The following ADAMTS3 variants were observed in gnomAD, a reference collection of about 807,000 sequenced individuals.
ADAMTS3 encodes the protein ADAM metallopeptidase with thrombospondin type 1 motif 3.
In ADAMTS3, 73 loss-of-function variants were observed where a neutral mutation model predicts 129.0. That is an observed-to-expected ratio of 0.57 (90% CI 0.47 to 0.69). The LOEUF is 0.69. ADAMTS3 is among the 30% of genes least tolerant of loss of function. ADAMTS3 has a pLI of 0.00. For synonymous variants in ADAMTS3, 477 were observed against 510.8 expected, an observed-to-expected ratio of 0.93 and a Z score of 0.89; for missense variants, 1,457 against 1,514.5, an observed-to-expected ratio of 0.96 and a Z score of 0.63.
chr4:72,311,655 A>C (rs1421549071), intron 13 of ADAMTS3, among the ~76,000 whole-genome samples: 12 of 152,232 alleles, frequency 7.9e-5, no homozygotes, highest in Middle Eastern at 6.8e-3. Flanking sequence ...GCAACTTTGA[A>C]TTCTTAACGT....
intron 18 of ADAMTS3, among the ~76,000 whole-genome samples, chr4:72,296,827 A>T (rs1349769420): frequency 6.6e-6 from 1 of 152,106 alleles, no homozygotes; most frequent in Non-Finnish European, 1.5e-5. Context: ...TTTTCCAGTC[A>T]AGGATCATAT....
chr4:72,543,131 T>G (rs1721376372), intron 3 of ADAMTS3, among the ~76,000 whole-genome samples: 1 of 152,220 alleles, frequency 6.6e-6, no homozygotes, highest in South Asian at 2.1e-4. Flanking sequence ...TAAATTATTT[T>G]GCATCAAAAT....
intron 3 of ADAMTS3, among the ~76,000 whole-genome samples, chr4:72,419,180 C>T (rs1722382118): frequency 6.6e-6 from 1 of 152,146 alleles, no homozygotes; most frequent in East Asian, 1.9e-4. Flanking sequence ...CTTTTCTCTC[C>T]TGGTCCTTAA....
At chr4:72,503,755 AG>A (rs1720085190) in intron 3 of ADAMTS3, among the ~76,000 whole-genome samples, 1 of 152,192 alleles carries the variant, frequency 6.6e-6, no homozygotes, top group Non-Finnish European at 1.5e-5. Context: ...CAGGTCTAGA[AG>A]TACTTTATGA....
chr4:72,528,561 T>A (rs1247893475), intron 3 of ADAMTS3, among the ~76,000 whole-genome samples: 1 of 148,766 alleles, frequency 6.7e-6, no homozygotes, highest in Non-Finnish European at 1.5e-5. Context: ...TCTCCTTCAC[T>A]AGCTTGTACG....
At chr4:72,438,768 T>C (rs1312041727) in intron 3 of ADAMTS3, among the ~76,000 whole-genome samples, 2 of 151,684 alleles carry the variant, frequency 1.3e-5, no homozygotes, top group East Asian at 3.9e-4. Flanking sequence ...ACTACTCTAG[T>C]TTTAGTCTCA....
At chr4:72,461,144 C>T (rs1355760359) in intron 3 of ADAMTS3, among the ~76,000 whole-genome samples, 4 of 151,182 alleles carry the variant, frequency 2.6e-5, no homozygotes, top group Admixed American at 6.6e-5. Context: ...CATATCAACT[C>T]GATGAACTAT....
Position 72,283,179 on chromosome 4 carries a change from A to AT in ADAMTS3, c.3574dup (p.Ile1192AsnfsTer2), listed in dbSNP as rs749791695. The AT allele has an allele frequency of 6.2e-6, 10 of 1,613,372 alleles. No individual in the cohort carries two copies. Among genetic ancestry groups the AT allele is most frequent in the Non-Finnish European group, 8.5e-6 (10 of 1,179,696 alleles). On this transcript the variant is annotated frameshift_variant, in exon 22 of 22. Transcript: ENST00000286657. LOFTEE classifies it high-confidence loss of function. Reference sequence around the variant, plus strand: ...TGATCTTGTCGGACGTCTGTTGTCAATGATCTTTCCATCTTTCTTTGAGGT... The same window carrying AT: ...TGATCTTGTCGGACGTCTGTTGTCAATTGATCTTTCCATCTTTCTTTGAGGT...
At chr4:72,334,764 T>C (rs1308193178) in intron 5 of ADAMTS3, among the ~76,000 whole-genome samples, 1 of 152,170 alleles carries the variant, frequency 6.6e-6, no homozygotes, top group Non-Finnish European at 1.5e-5. Flanking sequence ...TTTCTTGATA[T>C]AACAAGATAT....
intron 4 of ADAMTS3, among the ~76,000 whole-genome samples, chr4:72,341,414 A>G (rs1720134964): frequency 6.6e-6 from 1 of 152,164 alleles, no homozygotes; most frequent in African/African-American, 2.4e-5. Flanking sequence ...TCAAACAGAA[A>G]GCTTTCCTCA....
chr4:72,535,209 C>A (rs1211184834), intron 3 of ADAMTS3, among the ~76,000 whole-genome samples: 1 of 152,154 alleles, frequency 6.6e-6, no homozygotes, highest in African/African-American at 2.4e-5. Flanking sequence ...TAAGCAAAGT[C>A]AAATATCCTG....
intron 4 of ADAMTS3, among the ~76,000 whole-genome samples, chr4:72,381,059 C>T (rs1721276088): frequency 6.6e-6 from 1 of 151,916 alleles, no homozygotes; most frequent in Non-Finnish European, 1.5e-5. Context: ...AGCAAACAAA[C>T]AAAAAAGTTC....
Position 72,303,993 on chromosome 4 carries a change from T to G in ADAMTS3, c.2348A>C (p.Glu783Ala). Residue 783 changes from glutamate to alanine, a missense_variant, in exon 17 of 22, where the codon GAG (glutamate) becomes GCG (alanine). Transcript: ENST00000286657. Reference protein sequence around the residue: ...KSRTFIDLGVEWDYNIEDDIE... With the variant: ...KSRTFIDLGVAWDYNIEDDIE... Reference sequence around the variant, plus strand: ...GTCATCTTCAATGTTATAATCCCACTCCACACCAAGATCTATGAAGGTCCG... The same window carrying G: ...GTCATCTTCAATGTTATAATCCCACGCCACACCAAGATCTATGAAGGTCCG... 1.9e-6 allele frequency: 3 copies of G among 1,613,754 alleles called. No individual in the cohort carries two copies. In the South Asian group the frequency reaches 3.3e-5, roughly 18 times the overall value.
chr4:72,563,408 C>T (rs536220500), intron 2 of ADAMTS3, among the ~76,000 whole-genome samples: 8 of 152,262 alleles, frequency 5.3e-5, no homozygotes, highest in African/African-American at 1.7e-4. Context: ...TCTAGTACTG[C>T]TGCTGGCAAA....
intron 4 of ADAMTS3, among the ~76,000 whole-genome samples, chr4:72,395,258 A>C (rs933574450): frequency 6.6e-6 from 1 of 152,206 alleles, no homozygotes; most frequent in Admixed American, 6.5e-5. Flanking sequence ...AAAGAATATC[A>C]AATAGTTTAA....
intron 3 of ADAMTS3, among the ~76,000 whole-genome samples, chr4:72,470,361 T>TTATATATATA (rs143241307): frequency 0.14 from 16,303 of 115,720 alleles, 1,474 homozygotes; most frequent in Middle Eastern, 0.24. Flanking sequence ...TATTTTAAGT[T>TTATATATATA]TATATATATA....
chr4:72,394,236 C>T (rs1192224925), intron 4 of ADAMTS3, among the ~76,000 whole-genome samples: 1 of 151,042 alleles, frequency 6.6e-6, no homozygotes, highest in Non-Finnish European at 1.5e-5. Flanking sequence ...ATATAATTCA[C>T]TGCCCACCAG....
intron 3 of ADAMTS3, among the ~76,000 whole-genome samples, chr4:72,542,862 A>G (rs1721368597): frequency 6.6e-6 from 1 of 152,214 alleles, no homozygotes; most frequent in South Asian, 2.1e-4. Flanking sequence ...TAATTCACTT[A>G]AAAACTTTAC....
chr4:72,483,992 C>T (rs963742041), intron 3 of ADAMTS3, among the ~76,000 whole-genome samples: 4 of 151,476 alleles, frequency 2.6e-5, no homozygotes, highest in Admixed American at 6.6e-5. Flanking sequence ...CACTCCAGCC[C>T]GGGTGACAGA....
Sources: gnomAD v4.1 joint callset for allele counts (sites outside exome capture counted in the v4.1 genomes callset) on GRCh38, gnomAD v4.1.1 for gene constraint, MANE v1.5 for transcripts, NCBI Gene and HGNC (gene_info 2026-07-23, HGNC 2026-07-21) for gene names.